TNRC6B: variants seen among roughly 807,000 people sequenced by gnomAD.
The protein encoded by TNRC6B is trinucleotide repeat containing adaptor 6B, also known as trinucleotide repeat-containing gene 6B protein.
In TNRC6B, 52 loss-of-function variants were observed where a neutral mutation model predicts 203.6. That is an observed-to-expected ratio of 0.26 (90% CI 0.20 to 0.32). The LOEUF (loss-of-function observed/expected upper bound fraction) is 0.32, where lower values mean the gene tolerates loss of function less well. Among genes scored for constraint, TNRC6B ranks in the 10% least tolerant of loss-of-function variants. The pLI is 1.00. For synonymous variants in TNRC6B, 838 were observed against 845.7 expected (o/e 0.99, Z 0.16); for missense variants, 1,923 against 2,286.2 (o/e 0.84, Z 3.24).
At chr22:40,260,373 G>A (rs2070360638) in intron 3 of TNRC6B, among the ~76,000 whole-genome samples, 1 of 152,046 alleles carries the variant, frequency 6.6e-6, no homozygotes, top group South Asian at 2.1e-4. Flanking sequence ...CATGCCCTAA[G>A]GAAGAAAGAA....
chr22:40,069,615 G>A (rs1159428065), intron 1 of TNRC6B, among the ~76,000 whole-genome samples: 2 of 151,850 alleles, frequency 1.3e-5, no homozygotes, highest in Middle Eastern at 3.4e-3. Flanking sequence ...AGCCTCCAGA[G>A]TATCTGGGAT....
rs2070702741 is a variant in TNRC6B at position 40,279,999 on chromosome 22, C to T, written c.3267C>T (p.Ser1089=). The change falls in exon 10 of 23, where the codon AGC becomes AGT. Residue 1089 remains serine, a synonymous_variant. Coordinates refer to ENST00000454349, the MANE Select transcript of TNRC6B (RefSeq NM_001162501.2). ...TCTGTGTATGCTACTTTTCAGGAAG[C>T]CTTTCAGATAAAAAATTTGATGTGG... The part of the protein sequence containing the change: ...PSSKMDLSVG[S]LSDKKFDVDK... The T allele has an allele frequency of 6.2e-7, 1 of 1,613,596 alleles. No homozygotes were observed. Among genetic ancestry groups the T allele is most frequent in the South Asian group, 1.1e-5 (1 of 91,046 alleles).
intron 16 of TNRC6B, 119 bp downstream of exon 16, chr22:40,308,768 G>A: frequency 1.7e-6 from 2 of 1,207,242 alleles, no homozygotes; most frequent in Non-Finnish European, 2.3e-6. Context: ...TCCTATGATT[G>A]CCTGTGGAGG....
chr22:40,322,969 G>A lies in TNRC6B; in HGVS notation c.5230G>A (p.Ala1744Thr). 6.2e-7 allele frequency: 1 copy of A among 1,612,688 alleles called. No individual in the cohort carries two copies. The highest frequency in any genetic ancestry group is 1.1e-5 in the South Asian group (1 of 90,826). The change falls in exon 23 of 23, where the codon GCG becomes ACG. Residue 1744 changes from alanine to threonine, a missense_variant. By Grantham distance (58) the Ala-to-Thr change is moderately conservative. This residue lies in a region of TNRC6B where 126 missense variants were observed against 137.5 expected (regional missense o/e 0.92). Coordinates refer to ENST00000454349, the MANE Select transcript of TNRC6B (RefSeq NM_001162501.2). ...TPAATPSAPA[A>T]GWQSLETGQN... Reference sequence around the variant, plus strand: ...TGCAGCAACCCCAAGTGCGCCAGCTGCGGGGTGGCAGTCGCTGGAGACCGG... The same window carrying A: ...TGCAGCAACCCCAAGTGCGCCAGCTACGGGGTGGCAGTCGCTGGAGACCGG...
intron 1 of TNRC6B, among the ~76,000 whole-genome samples, chr22:40,090,141 A>C (rs1294470236): frequency 1.3e-5 from 2 of 152,244 alleles, no homozygotes; most frequent in Non-Finnish European, 2.9e-5. Context: ...GGCTGCAAAC[A>C]CCATGTGTGG....
chr22:40,152,048 T>C (rs1018352607), intron 3 of TNRC6B, among the ~76,000 whole-genome samples: 7 of 152,154 alleles, frequency 4.6e-5, no homozygotes, highest in Admixed American at 2.0e-4. Flanking sequence ...CTAGCACCAG[T>C]TCAATAAATA....
chr22:40,205,504 T>C (rs1421125563), intron 1 of TNRC6B, among the ~76,000 whole-genome samples: 2 of 152,202 alleles, frequency 1.3e-5, no homozygotes, highest in Non-Finnish European at 1.5e-5. Flanking sequence ...GAAACACTAA[T>C]CATCATCAAC....
intron 3 of TNRC6B, among the ~76,000 whole-genome samples, chr22:40,136,371 TTG>T (rs56246561): frequency 0.011 from 1,622 of 141,092 alleles, 13 homozygotes; most frequent in Middle Eastern, 0.058. Context: ...TATGTTTATC[TTG>T]TGTGTGTGTG....
chr22:40,318,561 T>G (rs1377000203), intron 21 of TNRC6B, among the ~76,000 whole-genome samples: 2 of 151,346 alleles, frequency 1.3e-5, no homozygotes, highest in African/African-American at 4.9e-5. Context: ...AAAAAAAAAT[T>G]TTTTTTTTAA....
chr22:40,240,582 G>A (rs1251506152), intron 1 of TNRC6B, among the ~76,000 whole-genome samples: 1 of 152,202 alleles, frequency 6.6e-6, no homozygotes, highest in Non-Finnish European at 1.5e-5. Context: ...TTAGGGAATT[G>A]GAGGTGCCCA....
rs780999754 is a variant in TNRC6B at position 40,265,720 on chromosome 22, G to A, written c.1490G>A (p.Gly497Asp). 2 of 1,613,904 alleles carry A rather than the reference G, an allele frequency of 1.2e-6. No individual in the cohort carries two copies. The highest frequency in any genetic ancestry group is 1.3e-5 in the African/African-American group (1 of 74,926). Reference protein sequence around the residue: ...GPQDSNDNKWGEGNKMTSGVS... With the variant: ...GPQDSNDNKWDEGNKMTSGVS... ...CAGGACTCTAATGACAACAAATGGGGTGAAGGGAACAAAATGACATCTGGG... is the reference window on the plus strand; with the variant it reads ...CAGGACTCTAATGACAACAAATGGGATGAAGGGAACAAAATGACATCTGGG... The change falls in exon 5 of 23, where the codon GGT (glycine) becomes GAT (aspartate). Residue 497 changes from glycine to aspartate, a missense_variant. Gly to Asp is a moderately conservative substitution (Grantham distance 94, BLOSUM62 -1). Around this residue, in one of 8 missense-constraint regions of TNRC6B, gnomAD observed 614 missense variants for 587.7 expected, o/e 1.04. Coordinates refer to ENST00000454349, the MANE Select transcript of TNRC6B (RefSeq NM_001162501.2).
chr22:40,198,294 G>A (rs967894953), intron 1 of TNRC6B, among the ~76,000 whole-genome samples: 3 of 152,046 alleles, frequency 2.0e-5, no homozygotes, highest in African/African-American at 4.8e-5. Flanking sequence ...TAGTTTGGCC[G>A]TCTGAATTAT....
rs2070772771 is a variant in TNRC6B, at chr22:40,285,821, A to G, written c.3708+51A>G. 4 of 1,601,540 alleles carry G rather than the reference A, an allele frequency of 2.5e-6. No homozygotes were observed. In the South Asian group the frequency reaches 4.5e-5, roughly 18 times the overall value. On this transcript the variant is annotated intron_variant, in intron 12 of 22. Coordinates refer to ENST00000454349, the MANE Select transcript of TNRC6B (RefSeq NM_001162501.2). ...TCAAAATGAAAGACCATTTCACATC[A>G]TTACCAGTTGTTAACTGATTTTTGT...
At chr22:40,242,106 G>A (rs1260688737) in intron 1 of TNRC6B, among the ~76,000 whole-genome samples, 1 of 152,120 alleles carries the variant, frequency 6.6e-6, no homozygotes, top group African/African-American at 2.4e-5. Flanking sequence ...AAAACTGGGT[G>A]CTAAGTGTGT....
chr22:40,060,714 G>C (rs1425854383), intron 1 of TNRC6B, among the ~76,000 whole-genome samples: 1 of 152,164 alleles, frequency 6.6e-6, no homozygotes, highest in African/African-American at 2.4e-5. Flanking sequence ...CAGGTGCCCA[G>C]GTGCAAGCTT....
At chr22:40,075,156 A>ATTTTTT (rs58240994) in intron 1 of TNRC6B, among the ~76,000 whole-genome samples, 115 of 35,510 alleles carry the variant, frequency 3.2e-3, no homozygotes, top group Non-Finnish European at 4.4e-3. Context: ...ATATATATAT[A>ATTTTTT]TTTTTTTTTT....
intron 1 of TNRC6B, among the ~76,000 whole-genome samples, chr22:40,192,886 C>G (rs2069291947): frequency 6.6e-6 from 1 of 152,184 alleles, no homozygotes; most frequent in Non-Finnish European, 1.5e-5. Context: ...AAATAAGGGT[C>G]TGGAGCTCAA....
chr22:40,125,630 G>A (rs1396218558), intron 2 of TNRC6B: 2 of 535,928 alleles, frequency 3.7e-6, no homozygotes, highest in Non-Finnish European at 6.5e-6. Flanking sequence ...CATGTGCATA[G>A]ACACACACAC....
chr22:40,126,575 A>C (rs201727436), intron 3 of TNRC6B, among the ~76,000 whole-genome samples: 1 of 87,590 alleles, frequency 1.1e-5, no homozygotes, highest in Non-Finnish European at 2.3e-5. Flanking sequence ...AAAGGACGTT[A>C]TTTAATTTTT....
Sources: allele counts gnomAD v4.1 joint callset (sites outside exome capture counted in the v4.1 genomes callset), GRCh38; gene constraint gnomAD v4.1.1; regional missense constraint gnomAD v4.1.1; transcripts MANE v1.5; gene names NCBI Gene and HGNC (gene_info 2026-07-23, HGNC 2026-07-21).